MYO1D: variants seen among roughly 807,000 people sequenced by gnomAD.
MYO1D encodes the protein unconventional myosin-Id.
A neutral mutation model predicts 122.0 loss-of-function variants in MYO1D; 83 were observed. The observed-to-expected ratio is 0.68, with a 90% CI of 0.57 to 0.82. The LOEUF (loss-of-function observed/expected upper bound fraction) is 0.82, where lower values mean the gene tolerates loss of function less well. MYO1D is among the 40% of genes least tolerant of loss of function. The probability of loss-of-function intolerance (pLI) is 0.00; values close to 1 mark genes in which losing one functional copy is unlikely to be tolerated. For synonymous variants in MYO1D, 464 were observed against 446.9 expected (o/e 1.04, Z -0.48); for missense variants, 1,157 against 1,269.5 (o/e 0.91, Z 1.35).
chr17:32,781,552 A>C (rs1029629008), intron 1 of MYO1D, among the ~76,000 whole-genome samples: 11 of 152,300 alleles, frequency 7.2e-5, no homozygotes, highest in Admixed American at 5.9e-4. Context: ...AGGGTTAAAA[A>C]TCTAATCATA....
intron 14 of MYO1D, among the ~76,000 whole-genome samples, chr17:32,721,664 CATT>C (rs1166691684): frequency 6.6e-6 from 1 of 152,146 alleles, no homozygotes; most frequent in Non-Finnish European, 1.5e-5. Flanking sequence ...TGTCAGCCAT[CATT>C]ATTAATATTA....
chr17:32,788,807 T>C (rs1053406905), intron 1 of MYO1D, among the ~76,000 whole-genome samples: 10 of 152,322 alleles, frequency 6.6e-5, no homozygotes, highest in Non-Finnish European at 1.3e-4. Flanking sequence ...GGTATTTTGA[T>C]AGGAATTGCA....
intron 19 of MYO1D, among the ~76,000 whole-genome samples, chr17:32,639,754 A>T (rs1357396840): frequency 6.6e-6 from 1 of 152,160 alleles, no homozygotes; most frequent in East Asian, 1.9e-4. Flanking sequence ...CTACGATATC[A>T]TGTTTTTCAG....
intron 4 of MYO1D, among the ~76,000 whole-genome samples, chr17:32,774,214 C>T (rs1396276222): frequency 6.6e-6 from 1 of 152,188 alleles, no homozygotes; most frequent in African/African-American, 2.4e-5. Context: ...GCTCCTTTTT[C>T]TTTATCCGAC....
intron 11 of MYO1D, among the ~76,000 whole-genome samples, chr17:32,750,870 G>A (rs2089891787): frequency 6.6e-6 from 1 of 152,072 alleles, no homozygotes; most frequent in South Asian, 2.1e-4. Flanking sequence ...TGAGAACAAA[G>A]CATCTACCAT....
At chr17:32,508,273 C>T (rs1233226024) in intron 21 of MYO1D, among the ~76,000 whole-genome samples, 2 of 150,882 alleles carry the variant, frequency 1.3e-5, no homozygotes, top group African/African-American at 4.9e-5. Flanking sequence ...GCCACCCAGT[C>T]TATGGTATCT....
chr17:32,592,144 T>C (rs1235006729), intron 21 of MYO1D, among the ~76,000 whole-genome samples: 4 of 152,342 alleles, frequency 2.6e-5, no homozygotes, highest in Non-Finnish European at 5.9e-5. Flanking sequence ...AGAGAGCCAC[T>C]CTGCTATGTA....
chr17:32,799,967 T>C (rs1218563428), intron 1 of MYO1D, among the ~76,000 whole-genome samples: 2 of 152,076 alleles, frequency 1.3e-5, no homozygotes, highest in Non-Finnish European at 2.9e-5. Flanking sequence ...ATAAGAGAAA[T>C]GCAAATTAAA....
chr17:32,772,979 G>A (rs1290275835), intron 4 of MYO1D, 137 bp from the exon 5 acceptor site: 4 of 705,714 alleles, frequency 5.7e-6, no homozygotes, highest in Non-Finnish European at 1.0e-5. Context: ...AGCAACTGAA[G>A]AATCACATAA....
intron 1 of MYO1D, among the ~76,000 whole-genome samples, chr17:32,788,302 C>A (rs1360294169): frequency 6.6e-6 from 1 of 152,034 alleles, no homozygotes; most frequent in East Asian, 1.9e-4. Flanking sequence ...TTAAGTAGGT[C>A]CCATCTATTT....
At chr17:32,725,891 C>T (rs1176021144) in intron 14 of MYO1D, among the ~76,000 whole-genome samples, 1 of 152,188 alleles carries the variant, frequency 6.6e-6, no homozygotes, top group Non-Finnish European at 1.5e-5. Flanking sequence ...AAGAGACAGA[C>T]TGACAGCTAA....
intron 16 of MYO1D, among the ~76,000 whole-genome samples, chr17:32,678,181 A>G (rs1277098292): frequency 7.9e-5 from 12 of 151,928 alleles, no homozygotes; most frequent in Admixed American, 7.9e-4. Context: ...TAAATCCTTC[A>G]TATCTATAGG....
At chr17:32,733,128 G>A (rs1257842698) in intron 14 of MYO1D, among the ~76,000 whole-genome samples, 1 of 152,196 alleles carries the variant, frequency 6.6e-6, no homozygotes, top group Non-Finnish European at 1.5e-5. Flanking sequence ...CCCTTGGCAA[G>A]TGTGGAATCC....
chr17:32,716,991 G>A (rs2089455842), intron 15 of MYO1D, among the ~76,000 whole-genome samples: 1 of 152,198 alleles, frequency 6.6e-6, no homozygotes, highest in Non-Finnish European at 1.5e-5. Flanking sequence ...ATGAAGAAAA[G>A]TCACAAGCAA....
chr17:32,575,452 A>C (rs1439474065), intron 21 of MYO1D, among the ~76,000 whole-genome samples: 2 of 152,232 alleles, frequency 1.3e-5, no homozygotes, highest in African/African-American at 4.8e-5. Context: ...CATTACATCC[A>C]CAATAAATTT....
chr17:32,655,214 G>T (rs184222104), intron 17 of MYO1D, among the ~76,000 whole-genome samples: 2 of 152,258 alleles, frequency 1.3e-5, no homozygotes, highest in East Asian at 3.9e-4. Flanking sequence ...ATAGAAAATT[G>T]GATTCATCAT....
rs552603493 is a variant in MYO1D at position 32,616,482 on chromosome 17, CTTTTTT to C, written c.2710-11247_2710-11242del. Among the ~76,000 whole-genome samples the C allele has an allele frequency of 5.9e-5, 8 of 135,556 alleles. No homozygotes were observed. The South Asian group carries it at 7.3e-4, about 12-fold the overall frequency. The allele number at this position is 135,556 out of a possible 152,430, so 88.9% of individuals were successfully genotyped here. ...ACCACCACATCTGACTAATTAAAAA[CTTTTTT>C]TTTTTTTTTTTGGTAGAAATGAGGT... On this transcript the variant is annotated intron_variant, in intron 20 of 21. Coordinates refer to ENST00000318217, the MANE Select transcript of MYO1D (RefSeq NM_015194.3).
At chr17:32,723,557 T>G (rs1206765040) in intron 14 of MYO1D, among the ~76,000 whole-genome samples, 2 of 151,798 alleles carry the variant, frequency 1.3e-5, no homozygotes, top group Non-Finnish European at 2.9e-5. Flanking sequence ...GAATCTGGCT[T>G]GGCCTGTGAC....
At chr17:32,700,036 T>G (rs1253277360) in intron 16 of MYO1D, among the ~76,000 whole-genome samples, 1 of 151,964 alleles carries the variant, frequency 6.6e-6, no homozygotes, top group Non-Finnish European at 1.5e-5. Flanking sequence ...AAAACATGTA[T>G]CACCTGGAAA....
Sources: gnomAD v4.1 joint callset for allele counts (sites outside exome capture counted in the v4.1 genomes callset) on GRCh38, gnomAD v4.1.1 for gene constraint, MANE v1.5 for transcripts, NCBI Gene and HGNC (gene_info 2026-07-23, HGNC 2026-07-21) for gene names.